PMPCB: variants seen among roughly 807,000 people sequenced by gnomAD.
PMPCB encodes mitochondrial-processing peptidase subunit beta.
In PMPCB, 46 loss-of-function variants were observed where a neutral mutation model predicts 61.5. That is an observed-to-expected ratio of 0.75 (90% CI 0.59 to 0.96). PMPCB has a LOEUF of 0.96. Ranked by LOEUF, PMPCB falls within the 40% of genes least tolerant of loss-of-function variation. The pLI, the probability that PMPCB is intolerant of heterozygous loss-of-function variation, is 0.00. For synonymous variants in PMPCB, 191 were observed against 201.6 expected (o/e 0.95, Z 0.44); for missense variants, 590 against 602.4 (o/e 0.98, Z 0.22).
downstream of PMPCB, chr7:103,316,281 C>G (rs1818049411): frequency 9.9e-6 from 4 of 405,038 alleles, no homozygotes; most frequent in East Asian, 1.5e-4. Context: ...GTGTTTAAAT[C>G]AACGATAATC....
At chr7:103,297,976 A>T (rs943151100) in intron 1 of PMPCB, 7 of 1,178,658 alleles carry the variant, frequency 5.9e-6, no homozygotes, top group Non-Finnish European at 1.1e-6. Flanking sequence ...ATGTATTTGC[A>T]TTTTTCTCAT....
downstream of PMPCB, chr7:103,316,666 AGACT>A: frequency 6.4e-6 from 4 of 621,186 alleles, no homozygotes. Flanking sequence ...GCAATGGGTA[AGACT>A]GACAGCTTCA....
At chr7:103,307,790 T>C (rs1817629006) in intron 7 of PMPCB, 82 bp downstream of exon 7, 3 of 759,306 alleles carry the variant, frequency 4.0e-6, no homozygotes, top group Non-Finnish European at 7.0e-6. Flanking sequence ...AATGTGCATA[T>C]TTCCAGTAGG....
rs749629917 is a variant in PMPCB, at chr7:103,297,542, G to T, written c.83G>T (p.Arg28Leu). ...LWGFSESLLI[R>L]GAAGRSLYFG... Reference sequence around the variant, plus strand: ...GGTTTCAGCGAGAGTCTTCTAATCCGAGGCGCTGCGGGACGGGTGAGCTTC... The same window carrying T: ...GGTTTCAGCGAGAGTCTTCTAATCCTAGGCGCTGCGGGACGGGTGAGCTTC... The change falls in exon 1 of 13, where the codon CGA (arginine) becomes CTA (leucine). Residue 28 changes from arginine to leucine, a missense_variant. Physicochemically the swap from Arg to Leu is moderately radical, Grantham distance 102 (BLOSUM62 -2). Coordinates refer to ENST00000249269, the MANE Select transcript of PMPCB (RefSeq NM_004279.3). 2 of 1,609,770 alleles carry T rather than the reference G, an allele frequency of 1.2e-6. No individual in the cohort carries two copies. The highest frequency in any genetic ancestry group is 2.2e-5 in the South Asian group (2 of 90,788).
downstream of PMPCB, chr7:103,314,815 C>T (rs1448993995): frequency 2.7e-5 from 5 of 186,116 alleles, no homozygotes; most frequent in Non-Finnish European, 5.0e-5. Context: ...AACTGGGACT[C>T]TTAGAAGAAA....
the PMPCB span, chr7:103,344,516 G>A: frequency 6.2e-7 from 1 of 1,609,130 alleles, no homozygotes; most frequent in East Asian, 2.2e-5. Flanking sequence ...CTGAGGCAGG[G>A]GCAGCTGAGG....
downstream of PMPCB, among the ~76,000 whole-genome samples, chr7:103,319,243 C>A (rs1586072300): frequency 6.6e-6 from 1 of 152,138 alleles, no homozygotes; most frequent in Non-Finnish European, 1.5e-5. Context: ...TCAAGACCAG[C>A]CTGACCAACA....
chr7:103,300,703 GAGAGAT>G (rs1817426239), intron 4 of PMPCB, among the ~76,000 whole-genome samples: 1 of 152,150 alleles, frequency 6.6e-6, no homozygotes, highest in African/African-American at 2.4e-5. Flanking sequence ...TTTTTGTTTA[GAGAGAT>G]AGTCTCGCTC....
At position 103,304,491 on chromosome 7, in the gene PMPCB, G is replaced by T. The variant is rs754099164; in HGVS notation, c.736+1G>T. The T allele has an allele frequency of 6.3e-7, 1 of 1,591,428 alleles. No individual in the cohort carries two copies. The highest frequency in any genetic ancestry group is 1.3e-5 in the African/African-American group (1 of 74,474). ...AGAATAGTGCTTGCTGCTGCTGGAG[G>T]TTAGTCAATTTAAATTTCTACAAAT... On this transcript the variant is annotated splice_donor_variant, in intron 6 of 12. Transcript: ENST00000249269. LOFTEE classifies it high-confidence loss of function.
the PMPCB span, among the ~76,000 whole-genome samples, chr7:103,341,139 A>C: frequency 1.3e-5 from 2 of 152,240 alleles, no homozygotes; most frequent in African/African-American, 4.8e-5. Flanking sequence ...TCAAGGATTC[A>C]GTCACAGGTC....
chr7:103,338,242 G>C, the PMPCB span, among the ~76,000 whole-genome samples: 3 of 150,388 alleles, frequency 2.0e-5, no homozygotes, highest in Admixed American at 6.6e-5. Flanking sequence ...TGCACTCCAG[G>C]ATAGGCGACA....
At chr7:103,331,947 G>C (rs1473036281), downstream of PMPCB, among the ~76,000 whole-genome samples, 1 of 151,758 alleles carries the variant, frequency 6.6e-6, no homozygotes, top group Non-Finnish European at 1.5e-5. Context: ...TTGCACAGTG[G>C]CTATGCTAAT....
chr7:103,313,562 C>T lies in PMPCB; in HGVS notation c.*1291C>T, dbSNP rs1367653689. The T allele has an allele frequency of 1.0e-6, 1 of 981,242 alleles. No individual in the cohort carries two copies. The highest frequency in any genetic ancestry group is 1.7e-5 in the African/African-American group (1 of 57,240). 60.8% of individuals were successfully genotyped at this position (981,242 alleles called of 1,614,324 possible). On this transcript the variant is annotated 3_prime_UTR_variant, in exon 13 of 13. Coordinates refer to ENST00000249269, the MANE Select transcript of PMPCB (RefSeq NM_004279.3). ...AACCCTGGAAATCATTCTTGTTTTA[C>T]ACTGAAGGAAACAAACCTAGCAAAA...
At chr7:103,332,387 C>G (rs558458264), downstream of PMPCB, among the ~76,000 whole-genome samples, 72 of 152,174 alleles carry the variant, frequency 4.7e-4, no homozygotes, top group African/African-American at 1.7e-3. Context: ...TTTTTGGGCT[C>G]TCTTTGCTAG....
chr7:103,326,574 C>G, intron 12 of PMPCB: 1 of 1,614,002 alleles, frequency 6.2e-7, no homozygotes, highest in Non-Finnish European at 8.5e-7. Context: ...GGGGTAAACA[C>G]TTCGAAGAAA....
downstream of PMPCB, chr7:103,315,968 A>G (rs374011927): frequency 7.6e-6 from 12 of 1,577,056 alleles, no homozygotes; most frequent in Non-Finnish European, 9.5e-6. Context: ...AAAGTAACAA[A>G]TGGACTTCTC....
chr7:103,314,701 T>G, downstream of PMPCB: 1 of 957,610 alleles, frequency 1.0e-6, no homozygotes, highest in Non-Finnish European at 1.2e-6. Flanking sequence ...AACAAGTCAC[T>G]GCTGATTTTT....
At chr7:103,339,599 C>T in the PMPCB span, among the ~76,000 whole-genome samples, 9 of 150,658 alleles carry the variant, frequency 6.0e-5, no homozygotes, top group African/African-American at 2.2e-4. Flanking sequence ...TTGCCAAATC[C>T]AATGGTTTTT....
chr7:103,324,355 G>A, intron 12 of PMPCB: 1 of 732,090 alleles, frequency 1.4e-6, no homozygotes, highest in Non-Finnish European at 2.0e-6. Context: ...ATAGGTAACA[G>A]AGTGCTTTTG....
Sources: gnomAD v4.1 joint callset for allele counts (sites outside exome capture counted in the v4.1 genomes callset) on GRCh38, gnomAD v4.1.1 for gene constraint, MANE v1.5 for transcripts, NCBI Gene and HGNC (gene_info 2026-07-23, HGNC 2026-07-21) for gene names.